Variants in CRHR1 observed in about 807,000 individuals in gnomAD.
The protein encoded by CRHR1 is corticotropin releasing hormone receptor 1, also known as corticotropin-releasing hormone receptor 1.
A neutral mutation model predicts 56.0 loss-of-function variants in CRHR1; 28 were observed. That is an observed-to-expected ratio of 0.50 (90% CI 0.37 to 0.69). The LOEUF (loss-of-function observed/expected upper bound fraction) is 0.69, where lower values mean the gene tolerates loss of function less well. Ranked by LOEUF, CRHR1 falls within the 30% of genes least tolerant of loss-of-function variation. The pLI is 0.00. For missense variants in CRHR1, 376 were observed against 548.0 expected, an observed-to-expected ratio of 0.69 and a Z score of 3.13; for synonymous variants, 195 against 216.5, an observed-to-expected ratio of 0.90 and a Z score of 0.87.
chr17:45,786,700 T>C (rs2061343166), intron 1 of CRHR1, among the ~76,000 whole-genome samples: 2 of 145,920 alleles, frequency 1.4e-5, no homozygotes, highest in East Asian at 4.2e-4. Context: ...AGTGTAATGG[T>C]GTGATCATGG....
intron 3 of CRHR1, among the ~76,000 whole-genome samples, chr17:45,820,287 A>C (rs1346442670): frequency 2.0e-5 from 3 of 152,224 alleles, no homozygotes; most frequent in Non-Finnish European, 2.9e-5. Context: ...TACTGATGCC[A>C]GAGCCGGGTA....
chr17:45,833,998 C>G lies in CRHR1; in HGVS notation c.1066-9C>G. ...AGCCGACCTTTGACGCCTCCTCTCT[C>G]CTCCCCAGGGCTTCTTTGTGTCTGT... is the stretch of plus-strand genomic sequence containing the variant. On this transcript the variant is annotated splice_polypyrimidine_tract_variant and intron_variant, in intron 11 of 12. Transcript: ENST00000314537. The G allele has an allele frequency of 1.2e-6, 2 of 1,613,850 alleles. No homozygotes were observed. The highest frequency in any genetic ancestry group is 1.7e-6 in the Non-Finnish European group (2 of 1,179,830).
intron 1 of CRHR1, among the ~76,000 whole-genome samples, chr17:45,805,576 C>T (rs547859626): frequency 1.3e-5 from 2 of 152,286 alleles, no homozygotes; most frequent in African/African-American, 4.8e-5. Flanking sequence ...GACACCTGGC[C>T]ATGGGGTTGG....
At chr17:45,829,704 A>T in intron 5 of CRHR1, 1 of 1,490,192 alleles carries the variant, frequency 6.7e-7, no homozygotes, top group Non-Finnish European at 9.2e-7. Context: ...GGGGATGGGG[A>T]TGGTTGGGAT....
intron 1 of CRHR1, among the ~76,000 whole-genome samples, chr17:45,786,570 G>T (rs2061339744): frequency 6.6e-6 from 1 of 150,526 alleles, no homozygotes; most frequent in Non-Finnish European, 1.5e-5. Context: ...GAGTAGTGAA[G>T]TCAGAATTCA....
intron 5 of CRHR1, chr17:45,829,766 C>G (rs2062251834): frequency 9.4e-7 from 1 of 1,061,926 alleles, no homozygotes; most frequent in African/African-American, 1.6e-5. Context: ...ACCCCTGTGA[C>G]TGTCCATCCT....
At chr17:45,831,041 A>G in intron 8 of CRHR1, 101 bp downstream of exon 8, 1 of 1,123,228 alleles carries the variant, frequency 8.9e-7, no homozygotes. Context: ...TTTTCCCCTC[A>G]GGACCATGGT....
At position 45,829,207 on chromosome 17, in the gene CRHR1, T is replaced by C; in HGVS notation, c.328-8T>C. 6.2e-7 allele frequency: 1 copy of C among 1,611,744 alleles called. No homozygotes were observed. Among genetic ancestry groups the C allele is most frequent in the Non-Finnish European group, 8.5e-7 (1 of 1,178,372 alleles). ...AAGGCTCACCTCTGCCCCTCTCTCC[T>C]GCTCCAGAAAAAAAGCAAGGTGCAC... On this transcript the variant is annotated splice_region_variant and splice_polypyrimidine_tract_variant and intron_variant, in intron 4 of 12. Transcript: ENST00000314537.
intron 2 of CRHR1, among the ~76,000 whole-genome samples, chr17:45,807,455 A>C (rs1418852968): frequency 2.0e-5 from 3 of 152,200 alleles, no homozygotes; most frequent in African/African-American, 7.2e-5. Flanking sequence ...CAAGGGACGG[A>C]GGAAAGGCTG....
chr17:45,786,690 A>C (rs113694536), intron 1 of CRHR1, among the ~76,000 whole-genome samples: 3,165 of 124,962 alleles, frequency 0.025, 44 homozygotes, highest in Non-Finnish European at 0.037. Context: ...CCCAGGTTGG[A>C]GTGTAATGGT....
intron 1 of CRHR1, among the ~76,000 whole-genome samples, chr17:45,791,434 C>T (rs557109658): frequency 5.3e-5 from 8 of 152,068 alleles, no homozygotes; most frequent in Non-Finnish European, 7.4e-5. Flanking sequence ...ACGGAAGATG[C>T]GGAGACAGAC....
At chr17:45,789,661 G>A (rs1418310724) in intron 1 of CRHR1, among the ~76,000 whole-genome samples, 1 of 152,222 alleles carries the variant, frequency 6.6e-6, no homozygotes, top group Non-Finnish European at 1.5e-5. Flanking sequence ...ACAGGCGTAA[G>A]CCACAGTGCC....
chr17:45,802,156 C>T (rs2061635180), intron 1 of CRHR1, among the ~76,000 whole-genome samples: 1 of 152,134 alleles, frequency 6.6e-6, no homozygotes, highest in Admixed American at 6.5e-5. Flanking sequence ...GAAACCTCAT[C>T]TCTACTGAAA....
intron 1 of CRHR1, among the ~76,000 whole-genome samples, chr17:45,793,873 C>T (rs774769465): frequency 6.6e-6 from 1 of 152,186 alleles, no homozygotes; most frequent in Non-Finnish European, 1.5e-5. Flanking sequence ...ACTGGACCGA[C>T]CACAATGCAG....
chr17:45,806,502 G>A (rs1424694674), intron 1 of CRHR1, among the ~76,000 whole-genome samples: 1 of 152,198 alleles, frequency 6.6e-6, no homozygotes, highest in African/African-American at 2.4e-5. Context: ...GCGGGGATGA[G>A]GGCCCAGGAA....
rs1241610426 is a variant in CRHR1 at position 45,784,834 on chromosome 17, C to T, written c.33+257C>T. Among the ~76,000 whole-genome samples, 1 of 152,114 alleles carries T rather than the reference C, an allele frequency of 6.6e-6. No homozygotes were observed. The highest frequency in any genetic ancestry group is 2.4e-5 in the African/African-American group (1 of 41,436). On this transcript the variant is annotated intron_variant, in intron 1 of 12. Transcript: ENST00000314537. This position sits in a 1 kb window ranked among gnomAD's most constrained non-coding sequence, Gnocchi z 4.2. ...TGGCGGAGGAGGGGGTCCGCCCACC[C>T]GGGTAGCCGGCTCCGCGCCAAGAAT...
intron 3 of CRHR1, among the ~76,000 whole-genome samples, chr17:45,818,693 G>A (rs1275447865): frequency 1.3e-5 from 2 of 152,142 alleles, no homozygotes; most frequent in South Asian, 2.1e-4. Flanking sequence ...GGTGGAGCAC[G>A]CCCGTGCAGT....
chr17:45,815,042 G>A (rs1459285330), intron 2 of CRHR1, among the ~76,000 whole-genome samples: 1 of 152,254 alleles, frequency 6.6e-6, no homozygotes, highest in Non-Finnish European at 1.5e-5. Flanking sequence ...ACCCAGTGCT[G>A]TTTCCTGAGA....
At chr17:45,791,435 G>A (rs577400026) in intron 1 of CRHR1, among the ~76,000 whole-genome samples, 3 of 152,268 alleles carry the variant, frequency 2.0e-5, no homozygotes, top group East Asian at 3.9e-4. Context: ...CGGAAGATGC[G>A]GAGACAGACA....
Sources: allele counts gnomAD v4.1 joint callset (sites outside exome capture counted in the v4.1 genomes callset), GRCh38; gene constraint gnomAD v4.1.1; non-coding constraint Gnocchi (gnomAD v3.1); transcripts MANE v1.5; gene names NCBI Gene and HGNC (gene_info 2026-07-23, HGNC 2026-07-21).